PIK3C2G: variants seen among roughly 807,000 people sequenced by gnomAD.
PIK3C2G encodes the protein phosphatidylinositol-4-phosphate 3-kinase catalytic subunit type 2 gamma.
A neutral mutation model predicts 181.1 loss-of-function variants in PIK3C2G; 168 were observed. The ratio of observed to expected loss-of-function variants is 0.93; its 90% CI spans 0.82 to 1.05. The LOEUF is 1.05. Ranked by LOEUF, PIK3C2G falls within the 50% of genes least tolerant of loss-of-function variation. The pLI is 0.00. For synonymous variants in PIK3C2G, 573 were observed against 592.2 expected (o/e 0.97, Z 0.47); for missense variants, 1,869 against 1,732.8 (o/e 1.08, Z -1.40).
chr12:18,395,325 C>CA (rs61263888), intron 15 of PIK3C2G, among the ~76,000 whole-genome samples: 58 of 144,484 alleles, frequency 4.0e-4, no homozygotes, highest in African/African-American at 7.9e-4. Flanking sequence ...GGCCTCTCAT[C>CA]AAAAAAAAAA....
At chr12:18,407,708 G>A (rs1944617420) in intron 16 of PIK3C2G, among the ~76,000 whole-genome samples, 1 of 152,126 alleles carries the variant, frequency 6.6e-6, no homozygotes, top group African/African-American at 2.4e-5. Context: ...AAGGAGAAAA[G>A]TCTTCCTTAA....
intron 5 of PIK3C2G, among the ~76,000 whole-genome samples, chr12:18,307,307 G>A (rs188246543): frequency 2.0e-5 from 3 of 151,558 alleles, no homozygotes; most frequent in East Asian, 3.9e-4. Flanking sequence ...CAGATAGATA[G>A]AATCAAATAT....
chr12:18,255,511 C>A (rs766009081), intron 1 of PIK3C2G, among the ~76,000 whole-genome samples: 36 of 152,178 alleles, frequency 2.4e-4, no homozygotes, highest in Non-Finnish European at 2.8e-4. Flanking sequence ...TATAATACAG[C>A]TTTGCCATGT....
At chr12:18,675,416 TG>T in the PIK3C2G span, among the ~76,000 whole-genome samples, 1 of 152,322 alleles carries the variant, frequency 6.6e-6, no homozygotes, top group Non-Finnish European at 1.5e-5. Context: ...GATACACTGC[TG>T]GTGGGAATGT....
intron 13 of PIK3C2G, among the ~76,000 whole-genome samples, chr12:18,374,903 C>T (rs1210063574): frequency 6.6e-6 from 1 of 152,164 alleles, no homozygotes; most frequent in African/African-American, 2.4e-5. Context: ...TGATTGTAAG[C>T]TTCTTGAGAC....
At position 18,627,799 on chromosome 12, in the gene PIK3C2G, T is replaced by C. The variant is rs141281495; in HGVS notation, c.4183-12630T>C. Among the ~76,000 whole-genome samples, 1,083 of 152,348 alleles carry C rather than the reference T, an allele frequency of 7.1e-3. 10 individuals are homozygous for C. Among genetic ancestry groups the C allele is most frequent in the African/African-American group, 0.025 (1,036 of 41,582 alleles). On this transcript the variant is annotated intron_variant, in intron 31 of 32. Coordinates refer to ENST00000538779, the MANE Select transcript of PIK3C2G (RefSeq NM_001288772.2). Reference sequence around the variant, plus strand: ...CTTTTATATTATGTTGTTTTGTTTCTGGTATAGACCTCAGGTTTTGATAGT... The same window carrying C: ...CTTTTATATTATGTTGTTTTGTTTCCGGTATAGACCTCAGGTTTTGATAGT...
chr12:18,381,663 A>T, intron 13 of PIK3C2G, 103 bp from the exon 14 acceptor site: 1 of 684,484 alleles, frequency 1.5e-6, no homozygotes, highest in Non-Finnish European at 2.6e-6. Context: ...AGCCCCTGTA[A>T]GAGCGGATTA....
intron 5 of PIK3C2G, among the ~76,000 whole-genome samples, chr12:18,309,844 A>T (rs1950567777): frequency 6.6e-6 from 1 of 151,824 alleles, no homozygotes; most frequent in Non-Finnish European, 1.5e-5. Context: ...TCTCTAGCAT[A>T]ATAGTTTACT....
downstream of PIK3C2G, among the ~76,000 whole-genome samples, chr12:18,650,736 A>G (rs540827122): frequency 1.2e-3 from 35 of 29,522 alleles, no homozygotes; most frequent in African/African-American, 6.8e-3. Flanking sequence ...ATATATATAT[A>G]TATATATATA....
rs1950262425 is a variant in PIK3C2G at position 18,648,323 on chromosome 12, A to G, written c.*295A>G. Reference sequence around the variant, plus strand: ...TATATTTTAAATTAAACATAGGTTTACATTTGTTTTAATTGTGTGCCTACA... The same window carrying G: ...TATATTTTAAATTAAACATAGGTTTGCATTTGTTTTAATTGTGTGCCTACA... On this transcript the variant is annotated 3_prime_UTR_variant, in exon 33 of 33. Coordinates refer to ENST00000538779, the MANE Select transcript of PIK3C2G (RefSeq NM_001288772.2). The G allele has an allele frequency of 1.3e-5, 3 of 233,472 alleles. No individual in the cohort carries two copies. In the East Asian group the frequency reaches 1.9e-4, roughly 14 times the overall value. 14.5% of individuals were successfully genotyped at this position (233,472 alleles called of 1,614,324 possible). A position where few individuals can be genotyped will look rare whatever the true frequency, so the allele number is the denominator to read the frequency against.
At chr12:18,359,580 G>A (rs1160133685) in intron 11 of PIK3C2G, among the ~76,000 whole-genome samples, 1 of 152,108 alleles carries the variant, frequency 6.6e-6, no homozygotes, top group Non-Finnish European at 1.5e-5. Context: ...CTCTGTCAAT[G>A]TTTGCATTAT....
intron 5 of PIK3C2G, among the ~76,000 whole-genome samples, chr12:18,308,268 T>G (rs1950501536): frequency 6.6e-6 from 1 of 151,874 alleles, no homozygotes; most frequent in African/African-American, 2.4e-5. Flanking sequence ...CTGATAATTC[T>G]ACTACAATAT....
chr12:18,302,344 GC>G (rs1326634902), intron 5 of PIK3C2G, among the ~76,000 whole-genome samples: 3 of 152,208 alleles, frequency 2.0e-5, no homozygotes, highest in Non-Finnish European at 4.4e-5. Context: ...GCTAGCAGTG[GC>G]AGTGACAAGG....
At chr12:18,357,252 T>A (rs959327356) in intron 11 of PIK3C2G, among the ~76,000 whole-genome samples, 1 of 152,140 alleles carries the variant, frequency 6.6e-6, no homozygotes, top group African/African-American at 2.4e-5. Context: ...TTGCTTTTAC[T>A]TATTAAGATT....
At chr12:18,345,369 G>A (rs1939572892) in intron 10 of PIK3C2G, among the ~76,000 whole-genome samples, 1 of 152,102 alleles carries the variant, frequency 6.6e-6, no homozygotes, top group Non-Finnish European at 1.5e-5. Context: ...CCCCCAGACT[G>A]TTTCAACAGA....
intron 32 of PIK3C2G, among the ~76,000 whole-genome samples, chr12:18,645,668 C>T (rs909616812): frequency 1.5e-4 from 23 of 152,052 alleles, no homozygotes; most frequent in African/African-American, 4.6e-4. Context: ...CTAATATGTT[C>T]CAGGCTTTGT....
At chr12:18,671,469 AAAG>A in the PIK3C2G span, among the ~76,000 whole-genome samples, 6 of 152,114 alleles carry the variant, frequency 3.9e-5, no homozygotes, top group African/African-American at 1.4e-4. Context: ...ACCTGAACCT[AAAG>A]AAGATCACAC....
chr12:18,300,914 C>T (rs1414683135), intron 5 of PIK3C2G, among the ~76,000 whole-genome samples: 1 of 152,098 alleles, frequency 6.6e-6, no homozygotes, highest in Non-Finnish European at 1.5e-5. Flanking sequence ...TCAGTTTTTG[C>T]TTTCCAAGGA....
chr12:18,535,077 G>A (rs1943777007), intron 24 of PIK3C2G, among the ~76,000 whole-genome samples: 2 of 151,976 alleles, frequency 1.3e-5, no homozygotes, highest in Non-Finnish European at 2.9e-5. Context: ...AGATTTATAA[G>A]TAATGCTTAA....
Sources: gnomAD v4.1 joint callset for allele counts (sites outside exome capture counted in the v4.1 genomes callset) on GRCh38, gnomAD v4.1.1 for gene constraint, MANE v1.5 for transcripts, NCBI Gene and HGNC (gene_info 2026-07-23, HGNC 2026-07-21) for gene names.